Variants in CERS3 observed in about 807,000 individuals in gnomAD.
CERS3 encodes the protein LAG1 homolog, ceramide synthase 3.
Under a neutral mutation model 50.3 loss-of-function variants are expected in CERS3, and 33 were observed. The ratio of observed to expected loss-of-function variants is 0.66; its 90% confidence interval spans 0.50 to 0.88. CERS3 has a LOEUF of 0.88. Ranked by LOEUF, CERS3 falls within the 40% of genes least tolerant of loss-of-function variation. The pLI is 0.00. For missense variants in CERS3, 470 were observed against 460.3 expected, an observed-to-expected ratio of 1.02 and a Z score of -0.19; for synonymous variants, 176 against 155.2, an observed-to-expected ratio of 1.13 and a Z score of -0.99.
intron 9 of CERS3, among the ~76,000 whole-genome samples, 162 bp downstream of exon 9, chr15:100,472,762 A>G (rs74041456): frequency 0.014 from 2,102 of 152,298 alleles, 51 homozygotes; most frequent in African/African-American, 0.048. Context: ...AAGAGGTTTC[A>G]TTTCTGTAAT....
chr15:100,481,580 A>G (rs2035302476), intron 5 of CERS3, among the ~76,000 whole-genome samples: 1 of 152,256 alleles, frequency 6.6e-6, no homozygotes. Context: ...TCTCAGCTCC[A>G]TCGGGCACGG....
chr15:100,463,044 T>C (rs947336460), intron 10 of CERS3, among the ~76,000 whole-genome samples: 7 of 152,346 alleles, frequency 4.6e-5, no homozygotes, highest in South Asian at 2.1e-4. Flanking sequence ...GAAACAAATA[T>C]GTATATTCAT....
Position 100,490,944 on chromosome 15 carries a change from GA to G in CERS3, c.174-14del. The G allele has an allele frequency of 6.6e-7, 1 of 1,516,934 alleles. No homozygotes were observed. The highest frequency in any genetic ancestry group is 9.0e-7 in the Non-Finnish European group (1 of 1,108,666). 94.0% of individuals were successfully genotyped at this position (1,516,934 alleles called of 1,614,324 possible). A position where few individuals can be genotyped will look rare whatever the true frequency, so the allele number is the denominator to read the frequency against. Reference sequence around the variant, plus strand: ...TGAAGCAACAAATCTACAAAAATATGAAAAGAAAAAAAGTTCAAAATCTAAG... The same window carrying G: ...TGAAGCAACAAATCTACAAAAATATGAAAGAAAAAAAGTTCAAAATCTAAG... On this transcript the variant is annotated splice_polypyrimidine_tract_variant and intron_variant, in intron 3 of 11. Coordinates refer to ENST00000679737, the MANE Select transcript of CERS3 (RefSeq NM_001378789.1).
intron 11 of CERS3, among the ~76,000 whole-genome samples, chr15:100,433,697 G>A (rs1232383649): frequency 6.6e-6 from 1 of 152,186 alleles, no homozygotes; most frequent in Non-Finnish European, 1.5e-5. Flanking sequence ...AGATCCTCCT[G>A]TGTATGCATG....
intron 10 of CERS3, among the ~76,000 whole-genome samples, chr15:100,462,374 A>G (rs2034577160): frequency 6.6e-6 from 1 of 152,192 alleles, no homozygotes; most frequent in African/African-American, 2.4e-5. Flanking sequence ...TAAGGCAACC[A>G]CCAAAAAGTT....
chr15:100,436,164 C>A (rs540424066), intron 11 of CERS3, among the ~76,000 whole-genome samples: 1 of 152,292 alleles, frequency 6.6e-6, no homozygotes, highest in South Asian at 2.1e-4. Flanking sequence ...TATAAAGACA[C>A]ATGCATACAT....
At chr15:100,461,840 G>A (rs1443636528) in intron 10 of CERS3, among the ~76,000 whole-genome samples, 1 of 152,184 alleles carries the variant, frequency 6.6e-6, no homozygotes, top group Non-Finnish European at 1.5e-5. Context: ...GGCCAAAGAA[G>A]TGGAACAGGA....
Position 100,424,644 on chromosome 15 carries a change from A to G in CERS3, c.1000-21779T>C, listed in dbSNP as rs537447050. Among the ~76,000 whole-genome samples the G allele has an allele frequency of 5.9e-5, 9 of 152,346 alleles. No homozygotes were observed. The South Asian group carries it at 1.7e-3, about 28-fold the overall frequency. ...GAGATGATTTAGGGTATCTGGTAGA[A>G]GAAATTTTTAAGCAGCAATGCGTTC... is the stretch of plus-strand genomic sequence containing the variant. On this transcript the variant is annotated intron_variant, in intron 11 of 11. Coordinates refer to ENST00000679737, the MANE Select transcript of CERS3 (RefSeq NM_001378789.1).
chr15:100,458,530 G>A (rs191458521), intron 10 of CERS3, among the ~76,000 whole-genome samples: 343 of 150,690 alleles, frequency 2.3e-3, no homozygotes, highest in African/African-American at 7.9e-3. Context: ...AGCGTGCAGT[G>A]AGCCGACATC....
At position 100,472,917 on chromosome 15, in the gene CERS3, C is replaced by T. The variant is rs1252604779; in HGVS notation, c.738+7G>A. On this transcript the variant is annotated splice_region_variant and intron_variant, in intron 9 of 11. Coordinates refer to ENST00000679737, the MANE Select transcript of CERS3 (RefSeq NM_001378789.1). ...TTGTCATTAGTTTTTTAATGGCAAA[C>T]GTTTACCTCCAGCCAAATGTCAGCC... The T allele has an allele frequency of 1.4e-5, 23 of 1,613,546 alleles. No individual in the cohort carries two copies. The highest frequency in any genetic ancestry group is 4.5e-5 in the East Asian group (2 of 44,878).
At chr15:100,430,176 G>A (rs2033044819) in intron 11 of CERS3, among the ~76,000 whole-genome samples, 1 of 151,912 alleles carries the variant, frequency 6.6e-6, no homozygotes, top group Admixed American at 6.6e-5. Context: ...GCCAGTTGTG[G>A]TGGGGGGCGC....
At chr15:100,445,778 T>G (rs1458098659) in intron 11 of CERS3, among the ~76,000 whole-genome samples, 1 of 152,156 alleles carries the variant, frequency 6.6e-6, no homozygotes, top group Non-Finnish European at 1.5e-5. Flanking sequence ...TTTATTTTTC[T>G]TATTAATATA....
At chr15:100,540,027 T>C (rs2037162072) in intron 1 of CERS3, among the ~76,000 whole-genome samples, 2 of 152,186 alleles carry the variant, frequency 1.3e-5, no homozygotes, top group Admixed American at 6.5e-5. Context: ...TTTATGCTGA[T>C]TACATTAAAT....
At chr15:100,530,921 A>C (rs1381742867), upstream of CERS3, among the ~76,000 whole-genome samples, 3 of 151,940 alleles carry the variant, frequency 2.0e-5, no homozygotes, top group Non-Finnish European at 2.9e-5. Flanking sequence ...TATCTCTATT[A>C]AAAATACAAA....
At chr15:100,419,567 C>A (rs2032242710) in intron 11 of CERS3, among the ~76,000 whole-genome samples, 1 of 140,822 alleles carries the variant, frequency 7.1e-6, no homozygotes, top group Non-Finnish European at 1.5e-5. Context: ...GAACTCAGCT[C>A]TGCACCAAGC....
At chr15:100,448,116 A>G (rs972634380) in intron 11 of CERS3, among the ~76,000 whole-genome samples, 3 of 152,224 alleles carry the variant, frequency 2.0e-5, no homozygotes, top group East Asian at 1.9e-4. Context: ...GCTCTGAAGT[A>G]TTATTCAATT....
At chr15:100,490,636 T>C (rs764370742) in intron 4 of CERS3, 181 bp downstream of exon 4, 40 of 527,214 alleles carry the variant, frequency 7.6e-5, no homozygotes, top group South Asian at 1.4e-4. Context: ...TATTATCATA[T>C]GTATCACACT....
Position 100,496,632 on chromosome 15 carries a change from C to A in CERS3, c.173+5045G>T, listed in dbSNP as rs140476885. Among the ~76,000 whole-genome samples, 711 of 152,236 alleles carry A rather than the reference C, an allele frequency of 4.7e-3. 1 individual carries two copies. Among genetic ancestry groups the A allele is most frequent in the Non-Finnish European group, 7.1e-3 (486 of 67,978 alleles). ...AAGACTGTATACATTTGTCAAAATG[C>A]ATCAAATTTTGGATGAACTTTATTG... On this transcript the variant is annotated intron_variant, in intron 3 of 11. Coordinates refer to ENST00000679737, the MANE Select transcript of CERS3 (RefSeq NM_001378789.1).
chr15:100,518,360 C>T (rs1039649251), intron 2 of CERS3, among the ~76,000 whole-genome samples: 9 of 151,810 alleles, frequency 5.9e-5, no homozygotes, highest in Non-Finnish European at 1.0e-4. Flanking sequence ...AGAGAGAGAG[C>T]ATGGCTCATA....
Sources: allele counts gnomAD v4.1 joint callset (sites outside exome capture counted in the v4.1 genomes callset), GRCh38; gene constraint gnomAD v4.1.1; transcripts MANE v1.5; gene names NCBI Gene and HGNC (gene_info 2026-07-23, HGNC 2026-07-21).